Variants in WDR19 observed in about 807,000 individuals in gnomAD.
The protein encoded by WDR19 is WD repeat-containing protein 19.
In WDR19, 121 loss-of-function variants were observed where a neutral mutation model predicts 180.0. The ratio of observed to expected loss-of-function variants is 0.67; its 90% CI spans 0.58 to 0.78. The LOEUF is 0.78. Ranked by LOEUF, WDR19 falls within the 30% of genes least tolerant of loss-of-function variation. The pLI is 0.00. For synonymous variants in WDR19, 497 were observed against 540.7 expected (o/e 0.92, Z 1.12); for missense variants, 1,450 against 1,640.7 (o/e 0.88, Z 2.01).
intron 31 of WDR19, among the ~76,000 whole-genome samples, chr4:39,271,627 A>G (rs1409385235): frequency 6.6e-6 from 1 of 152,256 alleles, no homozygotes; most frequent in African/African-American, 2.4e-5. Context: ...GTACATTTAT[A>G]TATATACATA....
intron 5 of WDR19, 128 bp from the exon 6 acceptor site, chr4:39,199,350 A>G: frequency 3.0e-6 from 2 of 675,894 alleles, no homozygotes; most frequent in Non-Finnish European, 2.5e-6. Context: ...AAGGTTGCGT[A>G]GACATTAACT....
intron 14 of WDR19, among the ~76,000 whole-genome samples, chr4:39,220,559 G>GGT (rs1491452795): frequency 5.0e-5 from 2 of 39,806 alleles, no homozygotes; most frequent in Non-Finnish European, 9.8e-5. Context: ...AGACCTCCTT[G>GGT]ATTTTTTTTT....
intron 5 of WDR19, among the ~76,000 whole-genome samples, chr4:39,194,987 T>A (rs1247962415): frequency 6.6e-6 from 1 of 152,232 alleles, no homozygotes; most frequent in East Asian, 1.9e-4. Flanking sequence ...GAACACATTT[T>A]GATAATATGT....
At chr4:39,276,256 C>T (rs778663880) in intron 33 of WDR19, among the ~76,000 whole-genome samples, 3 of 152,170 alleles carry the variant, frequency 2.0e-5, no homozygotes, top group Non-Finnish European at 4.4e-5. Context: ...ACATAGAATA[C>T]TCCTTTTTTT....
chr4:39,197,906 A>G (rs1020669003), intron 5 of WDR19, among the ~76,000 whole-genome samples: 2 of 152,154 alleles, frequency 1.3e-5, no homozygotes, highest in African/African-American at 4.8e-5. Flanking sequence ...TGGTGGGATT[A>G]CGGCGCACTG....
chr4:39,270,239 C>A, intron 31 of WDR19, 139 bp downstream of exon 31: 1 of 1,206,744 alleles, frequency 8.3e-7, no homozygotes, highest in Non-Finnish European at 1.1e-6. Context: ...AGATACAGAA[C>A]ATATCTACAA....
intron 4 of WDR19, among the ~76,000 whole-genome samples, chr4:39,191,789 G>A (rs566617293): frequency 7.2e-5 from 11 of 152,276 alleles, no homozygotes; most frequent in Middle Eastern, 3.4e-3. Flanking sequence ...TTGACCTTGA[G>A]TTGTCGTATT....
chr4:39,205,552 C>G lies in WDR19; in HGVS notation c.717-11C>G, dbSNP rs1370589827. 26 of 1,605,868 alleles carry G rather than the reference C, an allele frequency of 1.6e-5. No individual in the cohort carries two copies. The highest frequency in any genetic ancestry group is 2.2e-5 in the Non-Finnish European group (26 of 1,175,522). On this transcript the variant is annotated splice_polypyrimidine_tract_variant and intron_variant, in intron 8 of 36. Transcript: ENST00000399820. Reference sequence around the variant, plus strand: ...TCCTTGTTTACCATATTGTTGCCTTCTTTGCTATAGGTATGGTGATGGCCG... The same window carrying G: ...TCCTTGTTTACCATATTGTTGCCTTGTTTGCTATAGGTATGGTGATGGCCG...
At chr4:39,239,244 G>A (rs1293172321) in intron 20 of WDR19, among the ~76,000 whole-genome samples, 1 of 151,944 alleles carries the variant, frequency 6.6e-6, no homozygotes, top group Admixed American at 6.6e-5. Flanking sequence ...CCAAAGTGCT[G>A]GGATTACAGG....
rs1162330940 is a variant in WDR19 at position 39,215,948 on chromosome 4, T to TGCA, written c.1073_1075dup (p.Ser358dup). On this transcript the variant is annotated inframe_insertion, in exon 11 of 37. Transcript: ENST00000399820. ...CAAGCTTCCCATACTTGGGGATGCC[T>TGCA]GCAGCACAAGGATTGCCTATCTCAC... is the stretch of plus-strand genomic sequence containing the variant. 6.2e-7 allele frequency: 1 copy of TGCA among 1,613,412 alleles called. No homozygotes were observed. The highest frequency in any genetic ancestry group is 1.1e-5 in the South Asian group (1 of 90,966).
intron 28 of WDR19, among the ~76,000 whole-genome samples, chr4:39,261,183 T>C (rs912025207): frequency 2.0e-5 from 3 of 149,578 alleles, no homozygotes; most frequent in Admixed American, 1.3e-4. Context: ...TAGAGACGGA[T>C]GTTTTAGCAT....
intron 19 of WDR19, among the ~76,000 whole-genome samples, chr4:39,234,115 T>G (rs146325509): frequency 6.6e-5 from 10 of 152,294 alleles, no homozygotes; most frequent in African/African-American, 2.2e-4. Context: ...TTGTGAAAGA[T>G]AAATAAGCTA....
At chr4:39,268,667 T>A (rs1027756620) in intron 30 of WDR19, among the ~76,000 whole-genome samples, 21 of 152,216 alleles carry the variant, frequency 1.4e-4, no homozygotes, top group Admixed American at 1.3e-3. Context: ...TTGGAAAATA[T>A]GCAGTCAAAT....
At chr4:39,201,911 T>C (rs28488668) in intron 6 of WDR19, among the ~76,000 whole-genome samples, 7,012 of 152,292 alleles carry the variant, frequency 0.046, 528 homozygotes, top group African/African-American at 0.16. Flanking sequence ...AAGCAAAATA[T>C]ACATTATAAG....
chr4:39,267,847 A>T (rs1489252703), intron 29 of WDR19, 148 bp from the exon 30 acceptor site: 2 of 717,782 alleles, frequency 2.8e-6, no homozygotes, highest in Non-Finnish European at 4.6e-6. Flanking sequence ...TGTTTAATAA[A>T]TAAACGAATT....
intron 6 of WDR19, among the ~76,000 whole-genome samples, chr4:39,200,238 G>A (rs1442240004): frequency 2.6e-5 from 4 of 152,196 alleles, no homozygotes; most frequent in Non-Finnish European, 5.9e-5. Context: ...ATATACTATA[G>A]AAAGAATATG....
rs539621646 is a variant in WDR19 at position 39,217,992 on chromosome 4, G to A, written c.1366G>A (p.Glu456Lys). The part of the protein sequence containing the change: ...GKVQLHLIES[E>K]ILDAQEERET... Reference sequence around the variant, plus strand: ...ATTCTTTACGTTTTAGATAGAAAGCGAAATCTTGGATGCTCAAGAAGAACG... The same window carrying A: ...ATTCTTTACGTTTTAGATAGAAAGCAAAATCTTGGATGCTCAAGAAGAACG... The change falls in exon 14 of 37, where the codon GAA (glutamate) becomes AAA (lysine). Residue 456 changes from glutamate to lysine, a missense_variant. Transcript: ENST00000399820. The A allele has an allele frequency of 1.1e-4, 176 of 1,613,472 alleles. 3 individuals are homozygous for A. In the South Asian group the frequency reaches 1.5e-3, roughly 14 times the overall value.
intron 28 of WDR19, among the ~76,000 whole-genome samples, chr4:39,264,111 A>T (rs913489682): frequency 2.0e-5 from 3 of 152,132 alleles, no homozygotes; most frequent in African/African-American, 7.2e-5. Flanking sequence ...AGCCCTGTAC[A>T]TGTATTGACT....
intron 26 of WDR19, among the ~76,000 whole-genome samples, chr4:39,255,026 A>G (rs1184466200): frequency 6.6e-6 from 1 of 152,216 alleles, no homozygotes; most frequent in African/African-American, 2.4e-5. Flanking sequence ...TTGGCTTCCC[A>G]AATGACTTCT....
Sources: gnomAD v4.1 joint callset for allele counts (sites outside exome capture counted in the v4.1 genomes callset) on GRCh38, gnomAD v4.1.1 for gene constraint, MANE v1.5 for transcripts, NCBI Gene and HGNC (gene_info 2026-07-23, HGNC 2026-07-21) for gene names.